Variants in NR3C2 observed in about 807,000 individuals in gnomAD.
NR3C2 encodes the protein mineralocorticoid receptor.
NR3C2 carries 15 observed loss-of-function variants against 86.4 expected under a neutral mutation model. The observed-to-expected ratio is 0.17, with a 90% CI of 0.12 to 0.27. The LOEUF is 0.27. NR3C2 is among the 10% of genes least tolerant of loss of function. The pLI, the probability that NR3C2 is intolerant of heterozygous loss-of-function variation, is 1.00. For synonymous variants in NR3C2, 458 were observed against 450.5 expected (o/e 1.02, Z -0.21); for missense variants, 960 against 1,195.6 (o/e 0.80, Z 2.91).
chr4:148,122,024 A>G (rs1423387864), intron 6 of NR3C2, among the ~76,000 whole-genome samples: 1 of 132,038 alleles, frequency 7.6e-6, no homozygotes, highest in African/African-American at 2.7e-5. Context: ...CAACCAGCAG[A>G]GCATGAGCGT....
intron 2 of NR3C2, among the ~76,000 whole-genome samples, chr4:148,366,754 T>G (rs1333628064): frequency 6.6e-6 from 1 of 152,046 alleles, no homozygotes; most frequent in Non-Finnish European, 1.5e-5. Context: ...ATCCTGAATA[T>G]CAAAAGCTAA....
rs61758356 is a variant in NR3C2 at position 148,421,819 on chromosome 4, T to C, written c.1757+13285A>G. On this transcript the variant is annotated intron_variant, in intron 2 of 8. Transcript: ENST00000358102. ...CTAGGCCATGTTCACAGAATTCTATTCTTTACCTCTTCCATTCTCAGGTAC... is the reference window on the plus strand; with the variant it reads ...CTAGGCCATGTTCACAGAATTCTATCCTTTACCTCTTCCATTCTCAGGTAC... Among the ~76,000 whole-genome samples, 76 of 152,368 alleles carry C rather than the reference T, an allele frequency of 5.0e-4. No homozygotes were observed. The South Asian group carries it at 6.0e-3, about 12-fold the overall frequency.
chr4:148,371,562 C>G (rs1018778217), intron 2 of NR3C2, among the ~76,000 whole-genome samples: 6 of 151,796 alleles, frequency 4.0e-5, no homozygotes, highest in Admixed American at 6.6e-5. Flanking sequence ...AATTTTATAC[C>G]TAGTGACCTT....
intron 6 of NR3C2, chr4:148,146,646 G>T (rs1488128186): frequency 2.0e-5 from 3 of 152,240 alleles, no homozygotes; most frequent in African/African-American, 7.2e-5. Flanking sequence ...TGCTTCAGAC[G>T]CAAGATGGTG....
chr4:148,251,915 C>T (rs899325901), intron 3 of NR3C2, among the ~76,000 whole-genome samples: 1 of 152,076 alleles, frequency 6.6e-6, no homozygotes, highest in Non-Finnish European at 1.5e-5. Context: ...AGAGTTGTTG[C>T]CCTACTTTTT....
At chr4:148,119,848 G>C (rs1310752071) in intron 7 of NR3C2, among the ~76,000 whole-genome samples, 2 of 151,820 alleles carry the variant, frequency 1.3e-5, no homozygotes, top group African/African-American at 2.4e-5. Flanking sequence ...GATAAAGACT[G>C]TGCTTCATTA....
Position 148,120,246 on chromosome 4 carries a change from C to A in NR3C2, c.2553G>T (p.Gly851=). The A allele has an allele frequency of 6.2e-7, 1 of 1,613,952 alleles. No individual in the cohort carries two copies. Among genetic ancestry groups the A allele is most frequent in the South Asian group, 1.1e-5 (1 of 91,070 alleles). The part of the protein sequence containing the change: ...HQSAMYELCQ[G]MHQISLQFVR... Reference sequence around the variant, plus strand: ...CGAACTGAAGGCTGATTTGGTGCATCCCCTGGCATAGTTCATACATGGCAG... The same window carrying A: ...CGAACTGAAGGCTGATTTGGTGCATACCCTGGCATAGTTCATACATGGCAG... The change falls in exon 7 of 9, where the codon GGG becomes GGT. Residue 851 remains glycine (G), a synonymous_variant. Transcript: ENST00000358102.
chr4:148,122,317 ATT>A (rs956678275), intron 6 of NR3C2, among the ~76,000 whole-genome samples: 22 of 152,168 alleles, frequency 1.4e-4, no homozygotes, highest in African/African-American at 5.3e-4. Flanking sequence ...TGATCTTCAC[ATT>A]GTTTTTCTTT....
At chr4:148,103,715 C>T (rs968677988) in intron 8 of NR3C2, among the ~76,000 whole-genome samples, 3 of 152,194 alleles carry the variant, frequency 2.0e-5, no homozygotes, top group African/African-American at 7.2e-5. Flanking sequence ...ACAACCATGG[C>T]CACTGATTGA....
At chr4:148,408,865 A>G (rs2126559744) in intron 2 of NR3C2, among the ~76,000 whole-genome samples, 2 of 152,166 alleles carry the variant, frequency 1.3e-5, no homozygotes, top group Middle Eastern at 6.8e-3. Flanking sequence ...ATTGTTCTAT[A>G]TCCTGGTTTT....
Position 148,277,705 on chromosome 4 carries a change from A to T in NR3C2, c.1758-17588T>A, listed in dbSNP as rs1741027626. 3.3e-5 allele frequency among the ~76,000 whole-genome samples: 5 copies of T among 152,232 alleles called. No individual in the cohort carries two copies. In the South Asian group the frequency reaches 8.3e-4, roughly 25 times the overall value. On this transcript the variant is annotated intron_variant, in intron 2 of 8. Transcript: ENST00000358102. ...GTTCAAGCAAGTAACAGGGAATAAA[A>T]GTTGTACACAAATGGTGACCAAATT...
chr4:148,140,031 A>G (rs191886999), intron 6 of NR3C2, among the ~76,000 whole-genome samples: 1 of 152,334 alleles, frequency 6.6e-6, no homozygotes, highest in Non-Finnish European at 1.5e-5. Flanking sequence ...TCCCTTCTTC[A>G]ATCCAGAGCA....
At chr4:148,240,273 T>A (rs13139652) in intron 3 of NR3C2, among the ~76,000 whole-genome samples, 3 of 147,966 alleles carry the variant, frequency 2.0e-5, no homozygotes, top group African/African-American at 7.4e-5. Flanking sequence ...TATATATATT[T>A]TATATATATT....
At chr4:148,118,519 A>G (rs1339263969) in intron 7 of NR3C2, among the ~76,000 whole-genome samples, 2 of 152,076 alleles carry the variant, frequency 1.3e-5, no homozygotes, top group East Asian at 1.9e-4. Flanking sequence ...AACCCCACTC[A>G]CCATTGGAAT....
intron 2 of NR3C2, among the ~76,000 whole-genome samples, chr4:148,328,027 C>T (rs1744051338): frequency 6.7e-6 from 1 of 149,856 alleles, no homozygotes; most frequent in South Asian, 2.1e-4. Context: ...TGTCCATTTC[C>T]AGAGGCAACA....
chr4:148,435,455 A>G lies in NR3C2; in HGVS notation c.1406T>C (p.Leu469Pro). 1.2e-6 allele frequency: 2 copies of G among 1,614,218 alleles called. No individual in the cohort carries two copies. The highest frequency in any genetic ancestry group is 8.5e-7 in the Non-Finnish European group (1 of 1,180,042). ...CACAGGTGGTCCTAAAATTCCTGAT[A>G]GGGAATAATAGTCTTTATCATCCAT... is the stretch of plus-strand genomic sequence containing the variant. ...SFMDDKDYYS[L>P]SGILGPPVPG... The change falls in exon 2 of 9, where the codon CTA becomes CCA. Residue 469 changes from leucine to proline, a missense_variant. Around this residue, in one of 4 missense-constraint regions of NR3C2, gnomAD observed 680 missense variants for 719.0 expected, o/e 0.95. Transcript: ENST00000358102.
At chr4:148,286,780 A>G (rs1020444324) in intron 2 of NR3C2, among the ~76,000 whole-genome samples, 1 of 152,238 alleles carries the variant, frequency 6.6e-6, no homozygotes, top group Non-Finnish European at 1.5e-5. Context: ...CTAATTTTAT[A>G]TACATCAACA....
At chr4:148,199,409 A>G (rs974027599) in intron 3 of NR3C2, among the ~76,000 whole-genome samples, 2 of 152,226 alleles carry the variant, frequency 1.3e-5, no homozygotes, top group African/African-American at 4.8e-5. Flanking sequence ...GACTATAGGC[A>G]TGGGATAAGA....
chr4:148,136,006 G>A (rs1578923657), intron 6 of NR3C2, among the ~76,000 whole-genome samples: 3 of 106,862 alleles, frequency 2.8e-5, no homozygotes, highest in South Asian at 7.0e-4. Context: ...GCAGTGAGCC[G>A]AGATCCCGCC....
Sources: allele counts gnomAD v4.1 joint callset (sites outside exome capture counted in the v4.1 genomes callset), GRCh38; gene constraint gnomAD v4.1.1; regional missense constraint gnomAD v4.1.1; transcripts MANE v1.5; gene names NCBI Gene and HGNC (gene_info 2026-07-23, HGNC 2026-07-21).